Variants in KCNQ1 observed in about 807,000 individuals in gnomAD.
KCNQ1 encodes potassium voltage-gated channel subfamily Q member 1, also known as potassium voltage-gated channel subfamily KQT member 1.
KCNQ1 carries 49 observed loss-of-function variants against 72.4 expected under a neutral mutation model. The observed-to-expected ratio is 0.68, with a 90% CI of 0.54 to 0.86. KCNQ1 has a LOEUF of 0.86. Ranked by LOEUF, KCNQ1 falls within the 40% of genes least tolerant of loss-of-function variation. The pLI, the probability that KCNQ1 is intolerant of heterozygous loss-of-function variation, is 0.00. For synonymous variants in KCNQ1, 450 were observed against 412.6 expected (o/e 1.09, Z -1.10); for missense variants, 790 against 945.1 (o/e 0.84, Z 2.15).
chr11:2,637,325 A>G (rs917922346), intron 10 of KCNQ1: 3 of 152,224 alleles, frequency 2.0e-5, no homozygotes, highest in Non-Finnish European at 2.9e-5. Flanking sequence ...ATTTAGTGCT[A>G]TAAATTTCCC....
rs757764897 is a variant in KCNQ1 at position 2,550,213 on chromosome 11, G to A, written c.478-20415G>A. On this transcript the variant is annotated intron_variant, in intron 2 of 15. Coordinates refer to ENST00000155840, the MANE Select transcript of KCNQ1 (RefSeq NM_000218.3). This position sits in a 1 kb window ranked among gnomAD's most constrained non-coding sequence, Gnocchi z 6.0. ...TCCCCCGCCTCTCTTTGCCGTTGCC[G>A]GGACTGGGCCGTGTGCCTGGAGTTT... Among the ~76,000 whole-genome samples, 1 of 152,356 alleles carries A rather than the reference G, an allele frequency of 6.6e-6. No individual in the cohort carries two copies. Among genetic ancestry groups the A allele is most frequent in the African/African-American group, 2.4e-5 (1 of 41,584 alleles).
Position 2,698,739 on chromosome 11 carries a change from G to C in KCNQ1, c.1514+36658G>C. The C allele has an allele frequency of 2.5e-6, 1 of 398,566 alleles. No individual in the cohort carries two copies. 24.7% of individuals were successfully genotyped at this position (398,566 alleles called of 1,614,324 possible). A position where few individuals can be genotyped will look rare whatever the true frequency, so the allele number is the denominator to read the frequency against. On this transcript the variant is annotated intron_variant, in intron 11 of 15. Coordinates refer to ENST00000155840, the MANE Select transcript of KCNQ1 (RefSeq NM_000218.3). This position sits in a 1 kb window ranked among gnomAD's most constrained non-coding sequence, Gnocchi z 5.1. ...CAGTCGCCAACTCGGACCTCCCTTG[G>C]ATCTCAACTCAGAGCCATGATGCAG...
At chr11:2,799,192 A>G (rs1246007974) in intron 15 of KCNQ1, among the ~76,000 whole-genome samples, 2 of 152,210 alleles carry the variant, frequency 1.3e-5, no homozygotes, top group Non-Finnish European at 2.9e-5. Context: ...TGAGTGAGAG[A>G]GCAGCGCAGG....
chr11:2,638,909 G>A (rs897327392), intron 10 of KCNQ1: 11 of 152,226 alleles, frequency 7.2e-5, no homozygotes, highest in South Asian at 2.1e-4. Flanking sequence ...GGCTTTGTTC[G>A]TTTGTTTTTA....
intron 10 of KCNQ1, among the ~76,000 whole-genome samples, chr11:2,605,425 G>A (rs1848865019): frequency 6.6e-6 from 1 of 152,024 alleles, no homozygotes; most frequent in African/African-American, 2.4e-5. Flanking sequence ...AGCTTTATCT[G>A]TTACGTATTT....
rs917340190 is a variant in KCNQ1, at chr11:2,808,391, A to G, written c.1794+30354A>G. 2.6e-5 allele frequency among the ~76,000 whole-genome samples: 4 copies of G among 152,234 alleles called. No individual in the cohort carries two copies. Among genetic ancestry groups the G allele is most frequent in the Admixed American group, 6.5e-5 (1 of 15,286 alleles). ...CCAGGAAAATTACTGTGCAGGAGCA[A>G]AGCAGGGCACTGTGCCGGAGAGGAA... On this transcript the variant is annotated intron_variant, in intron 15 of 15. Coordinates refer to ENST00000155840, the MANE Select transcript of KCNQ1 (RefSeq NM_000218.3). The surrounding 1 kb of genome is among the most constrained non-coding windows in gnomAD (Gnocchi z 6.0).
rs552877444 is a variant in KCNQ1 at position 2,735,572 on chromosome 11, C to T, written c.1515-33272C>T. Among the ~76,000 whole-genome samples the T allele has an allele frequency of 6.6e-6, 1 of 152,268 alleles. No individual in the cohort carries two copies. Among genetic ancestry groups the T allele is most frequent in the Non-Finnish European group, 1.5e-5 (1 of 68,006 alleles). On this transcript the variant is annotated intron_variant, in intron 11 of 15. Transcript: ENST00000155840. This position sits in a 1 kb window ranked among gnomAD's most constrained non-coding sequence, Gnocchi z 7.7. The stretch of plus-strand genomic sequence containing the variant: ...CCACCCTCTCCCTCCTCACCATTTT[C>T]TGTTGAGCACACTTGAGGAGCACTT...
At chr11:2,628,004 G>A (rs2133812371) in intron 10 of KCNQ1, 1 of 398,404 alleles carries the variant, frequency 2.5e-6, no homozygotes, top group East Asian at 3.6e-5. Flanking sequence ...CTTCACCTTG[G>A]CCACCCCCAA....
In KCNQ1 at chr11:2,626,400, C is replaced by T. The variant is rs562682351; in HGVS notation, c.1394-35561C>T. The T allele has an allele frequency of 7.5e-6, 3 of 398,576 alleles. No homozygotes were observed. The highest frequency in any genetic ancestry group is 4.4e-5 in the Admixed American group (1 of 22,728). The allele number at this position is 398,576 out of a possible 1,614,324, so 24.7% of individuals were successfully genotyped here. ...CACTTTCCCTATTGAATGGTCTTGG[C>T]ACTCTTCTCAGGAATCATTTGATCA... On this transcript the variant is annotated intron_variant, in intron 10 of 15. Transcript: ENST00000155840. This position sits in a 1 kb window ranked among gnomAD's most constrained non-coding sequence, Gnocchi z 4.0.
At position 2,762,078 on chromosome 11, in the gene KCNQ1, C is replaced by G. The variant is rs554355094; in HGVS notation, c.1515-6766C>G. Among the ~76,000 whole-genome samples, 4 of 152,308 alleles carry G rather than the reference C, an allele frequency of 2.6e-5. No homozygotes were observed. The highest frequency in any genetic ancestry group is 9.6e-5 in the African/African-American group (4 of 41,560). ...TGGTAGACCCTTCACGGTCAGGCAC[C>G]TATGACTCCCCGTTCCCTGCCTGCT... is the stretch of plus-strand genomic sequence containing the variant. On this transcript the variant is annotated intron_variant, in intron 11 of 15. Coordinates refer to ENST00000155840, the MANE Select transcript of KCNQ1 (RefSeq NM_000218.3). This position sits in a 1 kb window ranked among gnomAD's most constrained non-coding sequence, Gnocchi z 4.3.
In KCNQ1 at chr11:2,661,597, C is replaced by T. The variant is rs1849957363; in HGVS notation, c.1394-364C>T. On this transcript the variant is annotated intron_variant, in intron 10 of 15. Coordinates refer to ENST00000155840, the MANE Select transcript of KCNQ1 (RefSeq NM_000218.3). This position sits in a 1 kb window ranked among gnomAD's most constrained non-coding sequence, Gnocchi z 5.9. Reference sequence around the variant, plus strand: ...GGTGGTGGGAGCTGTTGTCCCTTACCAGGCCTGTGCCTGTCACCTCTGTTT... The same window carrying T: ...GGTGGTGGGAGCTGTTGTCCCTTACTAGGCCTGTGCCTGTCACCTCTGTTT... 3.5e-6 allele frequency: 2 copies of T among 569,602 alleles called. No individual in the cohort carries two copies. Among genetic ancestry groups the T allele is most frequent in the African/African-American group, 1.9e-5 (1 of 53,656 alleles). 35.3% of individuals were successfully genotyped at this position (569,602 alleles called of 1,614,324 possible). A position where few individuals can be genotyped will look rare whatever the true frequency, so the allele number is the denominator to read the frequency against.
intron 11 of KCNQ1, among the ~76,000 whole-genome samples, chr11:2,755,251 TTTGTTG>T (rs375178714): frequency 1.3e-4 from 20 of 151,876 alleles, no homozygotes; most frequent in African/African-American, 4.8e-4. Flanking sequence ...TGTTGTTGTT[TTTGTTG>T]TTGTTGTTGT....
intron 10 of KCNQ1, chr11:2,649,189 G>A (rs577623847): frequency 2.5e-6 from 1 of 397,350 alleles, no homozygotes; most frequent in East Asian, 3.6e-5. Flanking sequence ...CTTTCATTTG[G>A]GAAATTTAAA....
At chr11:2,796,164 G>A (rs1847124949) in intron 15 of KCNQ1, among the ~76,000 whole-genome samples, 1 of 152,282 alleles carries the variant, frequency 6.6e-6, no homozygotes, top group South Asian at 2.1e-4. Flanking sequence ...AAACATAAAT[G>A]TAAATACCAA....
In KCNQ1 at chr11:2,787,824, A is replaced by T. The variant is rs1286704173; in HGVS notation, c.1794+9787A>T. ...TTCCCATGCCTAAGTCATTTCAAAC[A>T]TACTGAAGGGTTTTCTAATAACCGA... On this transcript the variant is annotated intron_variant, in intron 15 of 15. Transcript: ENST00000155840. The surrounding 1 kb of genome is among the most constrained non-coding windows in gnomAD (Gnocchi z 6.3). Among the ~76,000 whole-genome samples, 1 of 152,198 alleles carries T rather than the reference A, an allele frequency of 6.6e-6. No homozygotes were observed. Among genetic ancestry groups the T allele is most frequent in the Non-Finnish European group, 1.5e-5 (1 of 68,052 alleles).
In KCNQ1 at chr11:2,848,739, G is replaced by A; in HGVS notation, c.*736G>A. On this transcript the variant is annotated 3_prime_UTR_variant, in exon 16 of 16. Coordinates refer to ENST00000155840, the MANE Select transcript of KCNQ1 (RefSeq NM_000218.3). ...CGCCCCTGAGCCCACTGTGCGTGGG[G>A]CTCCCGCCTCCAACCCCTCGCCCAG... 1 of 453,940 alleles carries A rather than the reference G, an allele frequency of 2.2e-6. No individual in the cohort carries two copies. Among genetic ancestry groups the A allele is most frequent in the Non-Finnish European group, 4.4e-6 (1 of 226,686 alleles). The allele number at this position is 453,940 out of a possible 1,614,324, so 28.1% of individuals were successfully genotyped here.
Position 2,603,338 on chromosome 11 carries a change from A to G in KCNQ1, c.1393+14484A>G, listed in dbSNP as rs989235035. The stretch of plus-strand genomic sequence containing the variant: ...ATGAAGTGAGCACATGTTGTTGGAA[A>G]AATGGCACTGATAGACTTGCTCAGT... On this transcript the variant is annotated intron_variant, in intron 10 of 15. Coordinates refer to ENST00000155840, the MANE Select transcript of KCNQ1 (RefSeq NM_000218.3). The surrounding 1 kb of genome is among the most constrained non-coding windows in gnomAD (Gnocchi z 4.1). Among the ~76,000 whole-genome samples the G allele has an allele frequency of 6.6e-6, 1 of 152,160 alleles. No individual in the cohort carries two copies. Among genetic ancestry groups the G allele is most frequent in the Non-Finnish European group, 1.5e-5 (1 of 68,044 alleles).
rs565522851 is a variant in KCNQ1 at position 2,667,568 on chromosome 11, T to C, written c.1514+5487T>C. On this transcript the variant is annotated intron_variant, in intron 11 of 15. Transcript: ENST00000155840. ...TTGTCATGGAGACACTTCTGGCAGTTGGGGCAGGGGGTCGGGGCGGGGTTG... is the reference window on the plus strand; with the variant it reads ...TTGTCATGGAGACACTTCTGGCAGTCGGGGCAGGGGGTCGGGGCGGGGTTG... 281 of 32,570 alleles carry C rather than the reference T, an allele frequency of 8.6e-3. 2 individuals are homozygous for C. Among genetic ancestry groups the C allele is most frequent in the African/African-American group, 0.031 (260 of 8,506 alleles). The allele number at this position is 32,570 out of a possible 1,614,324, so 2.0% of individuals were successfully genotyped here.
chr11:2,686,974 A>G (rs1296994885), intron 11 of KCNQ1: 2 of 398,538 alleles, frequency 5.0e-6, no homozygotes, highest in African/African-American at 2.1e-5. Context: ...TGCAGAGGCA[A>G]GGACAACACT....
Sources: gnomAD v4.1 joint callset for allele counts (sites outside exome capture counted in the v4.1 genomes callset) on GRCh38, gnomAD v4.1.1 for gene constraint, Gnocchi (gnomAD v3.1) non-coding constraint, MANE v1.5 for transcripts, NCBI Gene and HGNC (gene_info 2026-07-23, HGNC 2026-07-21) for gene names.